DMD: variants seen among roughly 807,000 people sequenced by gnomAD.
DMD encodes mutant dystrophin.
In DMD, 63 loss-of-function variants were observed where a neutral mutation model predicts 330.1. The ratio of observed to expected loss-of-function variants is 0.19; its 90% CI spans 0.16 to 0.24. DMD has a LOEUF of 0.24. DMD is among the 10% of genes least tolerant of loss of function. The pLI, the probability that DMD is intolerant of heterozygous loss-of-function variation, is 1.00. For missense variants in DMD, 3,344 were observed against 2,684.1 expected (o/e 1.25, Z -5.43); for synonymous variants, 1,223 against 959.8 (o/e 1.27, Z -5.07).
intron 60 of DMD, among the ~76,000 whole-genome samples, chrX:31,428,652 G>A: frequency 8.9e-6 from 1 of 111,785 alleles, no homozygotes; most frequent in Non-Finnish European, 1.9e-5. Context: ...CATTCTTGGT[G>A]AACTGTCCAC....
At chrX:33,118,255 C>G (rs1323791220) in intron 1 of DMD, among the ~76,000 whole-genome samples, 2 of 107,312 alleles carry the variant, frequency 1.9e-5, no homozygotes, top group Non-Finnish European at 3.9e-5. Context: ...GGACTACAGG[C>G]GCCCGCTACC....
chrX:33,291,306 A>C (rs2053507918), intron 1 of DMD, among the ~76,000 whole-genome samples: 3 of 111,657 alleles, frequency 2.7e-5, no homozygotes, highest in Non-Finnish European at 5.7e-5. Context: ...ATCATAGTGA[A>C]TGGGCAAAAG....
At chrX:31,808,401 A>T (rs1203654644) in intron 50 of DMD, among the ~76,000 whole-genome samples, 1 of 111,954 alleles carries the variant, frequency 8.9e-6, no homozygotes, top group Non-Finnish European at 1.9e-5. Flanking sequence ...CAAGATGGAA[A>T]TCCCCAGAAT....
chrX:31,282,103 C>A (rs1269576287), intron 62 of DMD, among the ~76,000 whole-genome samples: 2 of 111,651 alleles, frequency 1.8e-5, no homozygotes. Flanking sequence ...ATAGCTAGTG[C>A]CTTTTAGTCA....
At chrX:31,675,545 T>C (rs1204599751) in intron 53 of DMD, among the ~76,000 whole-genome samples, 1 of 110,687 alleles carries the variant, frequency 9.0e-6, no homozygotes, top group African/African-American at 3.3e-5. Flanking sequence ...GTATTTTTAG[T>C]AGAGACAGGG....
chrX:32,060,108 A>ACTGG (rs1405046811), intron 44 of DMD, among the ~76,000 whole-genome samples: 2 of 111,557 alleles, frequency 1.8e-5, no homozygotes, highest in African/African-American at 6.5e-5. Context: ...TTGCACAGTG[A>ACTGG]CAGAATTTAA....
chrX:31,751,326 A>T (rs1208066458), intron 51 of DMD, among the ~76,000 whole-genome samples: 1 of 111,189 alleles, frequency 9.0e-6, no homozygotes, highest in Non-Finnish European at 1.9e-5. Context: ...GTCTCTTCCC[A>T]AGCAACTCTG....
chrX:32,480,573 CGTGA>C (rs1015684522), intron 21 of DMD, among the ~76,000 whole-genome samples: 11 of 105,916 alleles, frequency 1.0e-4, no homozygotes, highest in Non-Finnish European at 2.1e-4. Flanking sequence ...TATTTGCCTA[CGTGA>C]GTATTTACAC....
At chrX:31,944,985 T>C (rs2095067025) in intron 45 of DMD, among the ~76,000 whole-genome samples, 1 of 111,466 alleles carries the variant, frequency 9.0e-6, no homozygotes, top group South Asian at 3.7e-4. Context: ...AACATTCCAG[T>C]TGGAGTTCAG....
chrX:32,784,805 G>A (rs1472194644), intron 7 of DMD, among the ~76,000 whole-genome samples: 1 of 111,343 alleles, frequency 9.0e-6, no homozygotes, highest in Non-Finnish European at 1.9e-5. Flanking sequence ...AACATGCTCT[G>A]TACTTTAAAA....
chrX:32,153,675 C>T (rs191334475), intron 44 of DMD, among the ~76,000 whole-genome samples: 1 of 111,911 alleles, frequency 8.9e-6, no homozygotes, highest in African/African-American at 3.2e-5. Flanking sequence ...ACCAAAGCAA[C>T]AGTGCATGAA....
intron 44 of DMD, among the ~76,000 whole-genome samples, chrX:31,983,933 A>G (rs941996461): frequency 6.3e-5 from 7 of 111,511 alleles, no homozygotes; most frequent in Non-Finnish European, 1.1e-4. Context: ...ACCAGGCCCC[A>G]GATTGTTATC....
intron 43 of DMD, among the ~76,000 whole-genome samples, chrX:32,259,784 C>G (rs1161998165): frequency 9.0e-6 from 1 of 111,549 alleles, no homozygotes; most frequent in Non-Finnish European, 1.9e-5. Flanking sequence ...TAAATTAGGA[C>G]TTTTGATCAC....
chrX:31,822,280 A>C (rs999624312), intron 49 of DMD, among the ~76,000 whole-genome samples: 6 of 112,121 alleles, frequency 5.4e-5, no homozygotes, highest in African/African-American at 1.6e-4. Flanking sequence ...GGGCCATTCA[A>C]GCGCCAGGTG....
chrX:33,032,695 G>A (rs2094135924), intron 1 of DMD, among the ~76,000 whole-genome samples: 1 of 112,267 alleles, frequency 8.9e-6, no homozygotes, highest in Admixed American at 9.4e-5. Flanking sequence ...CCAAGTATTA[G>A]CACAGACAGA....
At chrX:32,578,495 T>A (rs1029255421) in intron 13 of DMD, among the ~76,000 whole-genome samples, 4 of 112,122 alleles carry the variant, frequency 3.6e-5, no homozygotes, top group African/African-American at 1.3e-4. Context: ...GGGGAGGATT[T>A]TTTCCTCCCA....
intron 43 of DMD, among the ~76,000 whole-genome samples, chrX:32,219,337 T>A (rs1363422929): frequency 8.9e-6 from 1 of 111,935 alleles, no homozygotes; most frequent in Non-Finnish European, 1.9e-5. Flanking sequence ...ACATTGCATA[T>A]GTTACATGCA....
chrX:31,835,413 G>C (rs1036834148), intron 49 of DMD, among the ~76,000 whole-genome samples: 1 of 111,859 alleles, frequency 8.9e-6, no homozygotes, highest in African/African-American at 3.3e-5. Context: ...AACATCAACG[G>C]AAACTCTGAA....
At position 32,264,957 on chromosome X, in the gene DMD, T is replaced by C. The variant is rs146755688; in HGVS notation, c.6290+22572A>G. 4.4e-3 allele frequency among the ~76,000 whole-genome samples: 493 copies of C among 112,458 alleles called. 1 individual carries two copies. The highest frequency in any genetic ancestry group is 7.0e-3 in the Non-Finnish European group (373 of 53,292). On this transcript the variant is annotated intron_variant, in intron 43 of 78. Transcript: ENST00000357033. Reference sequence around the variant, plus strand: ...GCAGAGCATAAAAGTTCAGAAAATTTGCAGCCTGAAGATGCAATAGAAAAG... The same window carrying C: ...GCAGAGCATAAAAGTTCAGAAAATTCGCAGCCTGAAGATGCAATAGAAAAG...
Sources: allele counts gnomAD v4.1 joint callset (sites outside exome capture counted in the v4.1 genomes callset), GRCh38; gene constraint gnomAD v4.1.1; transcripts MANE v1.5; gene names NCBI Gene and HGNC (gene_info 2026-07-23, HGNC 2026-07-21).